Variants in AOAH observed in about 807,000 individuals in gnomAD.
The protein encoded by AOAH is acyloxyacyl hydrolase.
Under a neutral mutation model 92.2 loss-of-function variants are expected in AOAH, and 64 were observed. The observed-to-expected ratio is 0.69, with a 90% CI of 0.57 to 0.86. The LOEUF (loss-of-function observed/expected upper bound fraction) is 0.86, where lower values mean the gene tolerates loss of function less well. Among genes scored for constraint, AOAH ranks in the 40% least tolerant of loss-of-function variants. The pLI is 0.00. For missense variants in AOAH, 656 were observed against 694.6 expected, an observed-to-expected ratio of 0.94 and a Z score of 0.62; for synonymous variants, 263 against 254.5, an observed-to-expected ratio of 1.03 and a Z score of -0.32.
chr7:36,646,757 C>G (rs1794247349), intron 4 of AOAH, among the ~76,000 whole-genome samples: 1 of 152,158 alleles, frequency 6.6e-6, no homozygotes, highest in African/African-American at 2.4e-5. Flanking sequence ...CCTCATGGCT[C>G]TGAACACTGC....
At chr7:36,555,875 T>C (rs13238518) in intron 13 of AOAH, among the ~76,000 whole-genome samples, 1 of 152,218 alleles carries the variant, frequency 6.6e-6, no homozygotes, top group Non-Finnish European at 1.5e-5. Flanking sequence ...TTCTTCTCTC[T>C]TTTTTCCTTA....
At chr7:36,513,963 T>C (rs1012181112) in intron 20 of AOAH, among the ~76,000 whole-genome samples, 6 of 152,224 alleles carry the variant, frequency 3.9e-5, no homozygotes, top group African/African-American at 1.4e-4. Flanking sequence ...AAAATTCACT[T>C]TCTCAGAAAT....
chr7:36,682,309 TAACAC>T (rs1215885849), intron 2 of AOAH, among the ~76,000 whole-genome samples: 1 of 151,986 alleles, frequency 6.6e-6, no homozygotes, highest in East Asian at 1.9e-4. Context: ...AATTTTTTTT[TAACAC>T]TACCCCAAAA....
At chr7:36,545,256 A>G (rs1489999338) in intron 15 of AOAH, among the ~76,000 whole-genome samples, 1 of 152,130 alleles carries the variant, frequency 6.6e-6, no homozygotes, top group Admixed American at 6.5e-5. Flanking sequence ...GCATAGAGAT[A>G]CATTAAACAT....
At chr7:36,705,588 C>T (rs181419923) in intron 1 of AOAH, among the ~76,000 whole-genome samples, 1 of 152,228 alleles carries the variant, frequency 6.6e-6, no homozygotes, top group East Asian at 1.9e-4. Context: ...AATGCTATTC[C>T]CCTCAAGCTA....
chr7:36,713,860 C>A (rs1205277718), intron 1 of AOAH, among the ~76,000 whole-genome samples: 1 of 152,018 alleles, frequency 6.6e-6, no homozygotes, highest in Non-Finnish European at 1.5e-5. Context: ...ACTAAATGCC[C>A]ACAAGAGAAA....
intron 1 of AOAH, among the ~76,000 whole-genome samples, chr7:36,688,138 C>A (rs1797150452): frequency 6.6e-6 from 1 of 152,134 alleles, no homozygotes; most frequent in African/African-American, 2.4e-5. Flanking sequence ...TGTTTCTAAC[C>A]TAATGCATGG....
intron 11 of AOAH, among the ~76,000 whole-genome samples, chr7:36,597,533 C>T (rs1264202738): frequency 2.6e-5 from 4 of 152,144 alleles, no homozygotes; most frequent in South Asian, 2.1e-4. Context: ...AAGTGGCTTG[C>T]GAGATGCAGG....
intron 3 of AOAH, among the ~76,000 whole-genome samples, chr7:36,666,398 C>T (rs1382570368): frequency 6.6e-6 from 1 of 151,960 alleles, no homozygotes; most frequent in East Asian, 1.9e-4. Context: ...GATGTCTTCT[C>T]TTTCAGTTCT....
In AOAH at chr7:36,610,083, T is replaced by C. The variant is rs927941383; in HGVS notation, c.846+6297A>G. On this transcript the variant is annotated intron_variant, in intron 11 of 20. Transcript: ENST00000617537. Reference sequence around the variant, plus strand: ...ACAAATGAAGAGATTCTGTAGATAATAGTTTTTAAAAATTGGAAGGTTTTT... The same window carrying C: ...ACAAATGAAGAGATTCTGTAGATAACAGTTTTTAAAAATTGGAAGGTTTTT... 4.7e-5 allele frequency among the ~76,000 whole-genome samples: 7 copies of C among 149,334 alleles called. 1 individual carries two copies. In the South Asian group the frequency reaches 1.5e-3, roughly 32 times the overall value.
chr7:36,658,084 C>T (rs185451955), intron 4 of AOAH, among the ~76,000 whole-genome samples: 20 of 152,020 alleles, frequency 1.3e-4, no homozygotes, highest in Non-Finnish European at 2.4e-4. Flanking sequence ...ACTAACTCTT[C>T]TAGGTACCAG....
At chr7:36,625,811 G>A (rs1792624307) in intron 6 of AOAH, among the ~76,000 whole-genome samples, 1 of 152,188 alleles carries the variant, frequency 6.6e-6, no homozygotes, top group African/African-American at 2.4e-5. Context: ...CTGTGACGCT[G>A]CTCTCCCTTA....
chr7:36,687,521 C>T (rs1247037277), intron 1 of AOAH, among the ~76,000 whole-genome samples: 2 of 149,188 alleles, frequency 1.3e-5, no homozygotes, highest in African/African-American at 5.0e-5. Flanking sequence ...CACTGAGCAG[C>T]AGGGGAAAAC....
chr7:36,717,721 CTT>C (rs201240256), intron 1 of AOAH, among the ~76,000 whole-genome samples: 2,028 of 114,032 alleles, frequency 0.018, 44 homozygotes, highest in African/African-American at 0.061. Flanking sequence ...CTCTTTTTCT[CTT>C]CTTATTTTTT....
intron 12 of AOAH, among the ~76,000 whole-genome samples, chr7:36,581,337 T>A (rs929192172): frequency 5.9e-5 from 9 of 152,222 alleles, no homozygotes; most frequent in Non-Finnish European, 1.5e-5. Context: ...CTCTTCTTGT[T>A]CTCTTCGTCC....
chr7:36,633,001 C>A (rs1407043194), intron 5 of AOAH, among the ~76,000 whole-genome samples: 2 of 152,252 alleles, frequency 1.3e-5, no homozygotes, highest in Non-Finnish European at 1.5e-5. Context: ...GTCCTCAGCT[C>A]TCCGTGGAGT....
intron 12 of AOAH, among the ~76,000 whole-genome samples, chr7:36,587,936 T>C (rs983012380): frequency 3.3e-5 from 5 of 152,206 alleles, no homozygotes; most frequent in African/African-American, 9.6e-5. Flanking sequence ...AATTTTTCAA[T>C]AAAAATGGTG....
chr7:36,569,092 T>C (rs2116561563), intron 13 of AOAH, among the ~76,000 whole-genome samples: 1 of 152,238 alleles, frequency 6.6e-6, no homozygotes, highest in Non-Finnish European at 1.5e-5. Context: ...CTCTCTGCCC[T>C]CCCTGTAAGT....
At chr7:36,665,254 A>G (rs956597030) in intron 3 of AOAH, among the ~76,000 whole-genome samples, 2 of 152,138 alleles carry the variant, frequency 1.3e-5, no homozygotes, top group African/African-American at 4.8e-5. Flanking sequence ...GATCTTGCAC[A>G]TATTTTGTTA....
Sources: allele counts gnomAD v4.1 joint callset (sites outside exome capture counted in the v4.1 genomes callset), GRCh38; gene constraint gnomAD v4.1.1; transcripts MANE v1.5; gene names NCBI Gene and HGNC (gene_info 2026-07-23, HGNC 2026-07-21).